The following TBC1D9 variants were observed in gnomAD, a reference collection of about 807,000 sequenced individuals.
The protein encoded by TBC1D9 is TBC1 domain family member 9A.
In TBC1D9, 63 loss-of-function variants were observed where a neutral mutation model predicts 132.0. The ratio of observed to expected loss-of-function variants is 0.48; its 90% CI spans 0.39 to 0.59. The LOEUF (loss-of-function observed/expected upper bound fraction) is 0.59, where lower values mean the gene tolerates loss of function less well. Ranked by LOEUF, TBC1D9 falls within the 20% of genes least tolerant of loss-of-function variation. TBC1D9 has a pLI of 0.00. For missense variants in TBC1D9, 1,261 were observed against 1,592.7 expected (o/e 0.79, Z 3.54); for synonymous variants, 610 against 609.9 (o/e 1.00, Z 0.00).
chr4:140,628,514 G>T, intron 16 of TBC1D9, 149 bp from the exon 17 acceptor site: 1 of 695,434 alleles, frequency 1.4e-6, no homozygotes. Context: ...TGGGTTAACA[G>T]CTCAGGAACC....
At chr4:140,671,072 ACT>A in intron 6 of TBC1D9, 146 bp from the exon 7 acceptor site, 2 of 640,674 alleles carry the variant, frequency 3.1e-6, no homozygotes, top group Non-Finnish European at 5.4e-6. Flanking sequence ...AGACTCTTTG[ACT>A]CTGTTCCAGT....
At chr4:140,637,937 C>A (rs1434976679) in intron 15 of TBC1D9, among the ~76,000 whole-genome samples, 2 of 152,194 alleles carry the variant, frequency 1.3e-5, no homozygotes, top group Non-Finnish European at 2.9e-5. Flanking sequence ...TAATTCAACA[C>A]ACATGTTTGG....
intron 1 of TBC1D9, among the ~76,000 whole-genome samples, chr4:140,730,669 T>C (rs548984733): frequency 2.0e-5 from 3 of 152,254 alleles, no homozygotes; most frequent in Non-Finnish European, 2.9e-5. Context: ...AGGGTTGTAA[T>C]GAGCCTAGAT....
At chr4:140,677,335 T>C in intron 5 of TBC1D9, among the ~76,000 whole-genome samples, 1 of 152,170 alleles carries the variant, frequency 6.6e-6, no homozygotes, top group East Asian at 1.9e-4. Flanking sequence ...TCCATGTCTG[T>C]AAATGTTAAA....
At chr4:140,716,510 A>G (rs1738336701) in intron 1 of TBC1D9, among the ~76,000 whole-genome samples, 1 of 152,106 alleles carries the variant, frequency 6.6e-6, no homozygotes, top group African/African-American at 2.4e-5. Context: ...AAAAAATATC[A>G]ATAATGGATG....
intron 10 of TBC1D9, among the ~76,000 whole-genome samples, chr4:140,661,249 G>T (rs1227196788): frequency 6.6e-6 from 1 of 152,164 alleles, no homozygotes; most frequent in Non-Finnish European, 1.5e-5. Context: ...CGTTATTTTG[G>T]AGCTTCCCAA....
chr4:140,671,767 G>A (rs1215222447), intron 6 of TBC1D9, among the ~76,000 whole-genome samples: 2 of 150,730 alleles, frequency 1.3e-5, no homozygotes, highest in Non-Finnish European at 2.9e-5. Flanking sequence ...AGACATATAC[G>A]GGTGATTTAT....
intron 3 of TBC1D9, among the ~76,000 whole-genome samples, chr4:140,683,227 A>G (rs1737732224): frequency 6.6e-6 from 1 of 152,174 alleles, no homozygotes; most frequent in Non-Finnish European, 1.5e-5. Flanking sequence ...GAGAGTAAAT[A>G]CAGTCAAGAA....
intron 18 of TBC1D9, 90 bp downstream of exon 18, chr4:140,627,347 TTTGA>T (rs1736725007): frequency 5.1e-6 from 4 of 789,702 alleles, no homozygotes; most frequent in Non-Finnish European, 8.4e-6. Context: ...TACATACTTC[TTTGA>T]TTGACTAGCT....
chr4:140,669,146 T>C, intron 8 of TBC1D9, 79 bp from the exon 9 acceptor site: 2 of 1,400,556 alleles, frequency 1.4e-6, no homozygotes, highest in South Asian at 1.3e-5. Context: ...GGTCAGAACA[T>C]GTTCCCTGCT....
Position 140,679,683 on chromosome 4 carries a change from G to C in TBC1D9, c.521C>G (p.Pro174Arg). 1.2e-6 allele frequency: 2 copies of C among 1,613,822 alleles called. No individual in the cohort carries two copies. Among genetic ancestry groups the C allele is most frequent in the Non-Finnish European group, 1.7e-6 (2 of 1,179,838 alleles). ...YSCSYWKGKV[P>R]RQGWMYLSIN... ...GCTGAGGTACATCCAACCCTGACGGGGGACCTTCCCCTTCCAATAGCTGCA... is the reference window on the plus strand; with the variant it reads ...GCTGAGGTACATCCAACCCTGACGGCGGACCTTCCCCTTCCAATAGCTGCA... The change falls in exon 4 of 21, where the codon CCC becomes CGC. Residue 174 changes from proline to arginine, a missense_variant. This residue lies in a region of TBC1D9 where 550 missense variants were observed against 699.0 expected (regional missense o/e 0.79). Coordinates refer to ENST00000442267, the MANE Select transcript of TBC1D9 (RefSeq NM_015130.3).
chr4:140,669,879 G>T, intron 7 of TBC1D9, 75 bp from the exon 8 acceptor site: 1 of 1,383,952 alleles, frequency 7.2e-7, no homozygotes, highest in South Asian at 1.4e-5. Context: ...TCTTCTGTAT[G>T]GTTATCAAAA....
chr4:140,646,191 C>A (rs1009111430), intron 13 of TBC1D9, among the ~76,000 whole-genome samples: 1 of 152,158 alleles, frequency 6.6e-6, no homozygotes, highest in African/African-American at 2.4e-5. Flanking sequence ...ATCCCCATTT[C>A]AGAGACAAAG....
chr4:140,645,368 G>T, intron 13 of TBC1D9: 1 of 475,432 alleles, frequency 2.1e-6, no homozygotes, highest in Non-Finnish European at 4.2e-6. Flanking sequence ...CCACAGGCGG[G>T]TGTCGCACTT....
In TBC1D9 at chr4:140,624,222, A is replaced by G. The variant is rs58390208; in HGVS notation, c.2975-3T>C. Reference sequence around the variant, plus strand: ...TTCTTGGGAATTTGCTCTCTTCCCTACAACCCAAATGTCAAGAAATAAGTG... The same window carrying G: ...TTCTTGGGAATTTGCTCTCTTCCCTGCAACCCAAATGTCAAGAAATAAGTG... On this transcript the variant is annotated splice_region_variant and splice_polypyrimidine_tract_variant and intron_variant, in intron 19 of 20. Transcript: ENST00000442267. 2.1e-3 allele frequency: 3,323 copies of G among 1,611,432 alleles called. 40 individuals are homozygous for G. In the African/African-American group the frequency reaches 0.035, roughly 17 times the overall value.
intron 14 of TBC1D9, 65 bp downstream of exon 14, chr4:140,639,265 A>T: frequency 6.7e-7 from 1 of 1,488,384 alleles, no homozygotes; most frequent in Non-Finnish European, 9.2e-7. Flanking sequence ...GCAGGAATCC[A>T]CAGCCAGCAG....
At chr4:140,643,222 C>T in intron 13 of TBC1D9, 1 of 1,361,416 alleles carries the variant, frequency 7.3e-7, no homozygotes, top group Non-Finnish European at 1.0e-6. Flanking sequence ...TCCGCACCTC[C>T]CACCTTCTTG....
chr4:140,707,086 T>TA (rs1161504903), intron 1 of TBC1D9, among the ~76,000 whole-genome samples: 7 of 151,946 alleles, frequency 4.6e-5, no homozygotes, highest in Admixed American at 2.0e-4. Flanking sequence ...AGTGTGAGAA[T>TA]ACCTGTTTCT....
At position 140,706,252 on chromosome 4, in the gene TBC1D9, G is replaced by A. The variant is rs1013063705; in HGVS notation, c.131-4638C>T. On this transcript the variant is annotated intron_variant, in intron 1 of 20. Transcript: ENST00000442267. The surrounding 1 kb of genome is among the most constrained non-coding windows in gnomAD (Gnocchi z 4.0). The stretch of plus-strand genomic sequence containing the variant: ...TGGACAGGATCCTAAAGATCACTTG[G>A]CCTCCCCGACTCCATTAGTCCTGAC... 2.0e-5 allele frequency among the ~76,000 whole-genome samples: 3 copies of A among 152,184 alleles called. No individual in the cohort carries two copies. Among genetic ancestry groups the A allele is most frequent in the Non-Finnish European group, 4.4e-5 (3 of 68,020 alleles).
Sources: allele counts gnomAD v4.1 joint callset (sites outside exome capture counted in the v4.1 genomes callset), GRCh38; gene constraint gnomAD v4.1.1; regional missense constraint gnomAD v4.1.1; non-coding constraint Gnocchi (gnomAD v3.1); transcripts MANE v1.5; gene names NCBI Gene and HGNC (gene_info 2026-07-23, HGNC 2026-07-21).